The following NR6A1 variants were observed in gnomAD, a reference collection of about 807,000 sequenced individuals.
NR6A1 encodes retinoic acid receptor-related testis-associated receptor.
Under a neutral mutation model 59.1 loss-of-function variants are expected in NR6A1, and 7 were observed. The observed-to-expected ratio is 0.12, with a 90% CI of 0.07 to 0.22. The LOEUF is 0.22. NR6A1 is among the 10% of genes least tolerant of loss of function. NR6A1 has a pLI of 1.00. For missense variants in NR6A1, 468 were observed against 611.6 expected (o/e 0.77, Z 2.48); for synonymous variants, 243 against 236.1 (o/e 1.03, Z -0.27).
At chr9:124,644,051 C>A (rs570224368) in intron 2 of NR6A1, among the ~76,000 whole-genome samples, 62 of 152,014 alleles carry the variant, frequency 4.1e-4, no homozygotes, top group Non-Finnish European at 8.4e-4. Flanking sequence ...CAGGCACGCG[C>A]CACCATGCCC....
rs562222117 is a variant in NR6A1, at chr9:124,577,459, T to C, written c.143-22889A>G. ...TCTGAGGGTTGGTGTTTGTTATATA[T>C]CTCAGTCCTTTGTGACTTCTCTAAT... On this transcript the variant is annotated intron_variant, in intron 2 of 9. Coordinates refer to ENST00000487099, the MANE Select transcript of NR6A1 (RefSeq NM_033334.4). 2.0e-5 allele frequency among the ~76,000 whole-genome samples: 3 copies of C among 152,344 alleles called. No homozygotes were observed. In the South Asian group the frequency reaches 6.2e-4, roughly 32 times the overall value.
intron 2 of NR6A1, among the ~76,000 whole-genome samples, chr9:124,644,181 C>A (rs150382016): frequency 6.6e-6 from 1 of 151,574 alleles, no homozygotes. Flanking sequence ...GGATTACAGG[C>A]GTGAGCCACC....
At chr9:124,711,827 A>G (rs1490754599) in intron 2 of NR6A1, among the ~76,000 whole-genome samples, 2 of 152,188 alleles carry the variant, frequency 1.3e-5, no homozygotes, top group African/African-American at 2.4e-5. Flanking sequence ...GAGTCTCACT[A>G]TGCTGCCCAG....
intron 2 of NR6A1, among the ~76,000 whole-genome samples, chr9:124,566,803 T>C (rs1162753223): frequency 1.3e-5 from 2 of 152,116 alleles, no homozygotes. Context: ...GCAAAAGTAA[T>C]GGCTTTAGTT....
intron 2 of NR6A1, among the ~76,000 whole-genome samples, chr9:124,660,994 C>T (rs74658190): frequency 0.01 from 1,573 of 152,116 alleles, 27 homozygotes; most frequent in African/African-American, 0.036. Context: ...CATCAAAACT[C>T]GAGGGACATT....
chr9:124,547,640 T>C (rs900653082), intron 3 of NR6A1, among the ~76,000 whole-genome samples: 5 of 152,162 alleles, frequency 3.3e-5, no homozygotes, highest in Non-Finnish European at 7.3e-5. Context: ...CTCTTGATAT[T>C]ATGGTCTAAG....
At chr9:124,713,851 C>G (rs1344905330) in intron 2 of NR6A1, among the ~76,000 whole-genome samples, 1 of 152,148 alleles carries the variant, frequency 6.6e-6, no homozygotes, top group South Asian at 2.1e-4. Flanking sequence ...AAATTAAAAA[C>G]AGAATTACCA....
chr9:124,733,249 A>G (rs1397121313), intron 2 of NR6A1, 59 bp downstream of exon 2: 4 of 1,241,106 alleles, frequency 3.2e-6, no homozygotes, highest in Non-Finnish European at 2.4e-6. Flanking sequence ...TATTCACTTA[A>G]AAGTGTACAC....
intron 1 of NR6A1, among the ~76,000 whole-genome samples, chr9:124,757,740 T>C (rs1840674440): frequency 6.6e-6 from 1 of 152,226 alleles, no homozygotes; most frequent in Admixed American, 6.5e-5. Context: ...TTTATTTATA[T>C]GCAAGCACTT....
chr9:124,666,904 A>C (rs117212654), intron 2 of NR6A1, among the ~76,000 whole-genome samples: 1 of 152,266 alleles, frequency 6.6e-6, no homozygotes, highest in East Asian at 1.9e-4. Context: ...GGCGGGGGAA[A>C]TAATACCACT....
intron 3 of NR6A1, among the ~76,000 whole-genome samples, chr9:124,553,655 T>A (rs1020302969): frequency 6.6e-6 from 1 of 150,616 alleles, no homozygotes; most frequent in African/African-American, 2.4e-5. Context: ...ATATTCAGTA[T>A]GTCACCAACT....
chr9:124,543,758 T>TG, intron 4 of NR6A1, 44 bp downstream of exon 4: 1 of 1,517,430 alleles, frequency 6.6e-7, no homozygotes, highest in African/African-American at 1.4e-5. Flanking sequence ...GCTGGAGCCC[T>TG]GGGCTTCCAG....
At chr9:124,564,151 A>G (rs999241293) in intron 2 of NR6A1, among the ~76,000 whole-genome samples, 3 of 152,258 alleles carry the variant, frequency 2.0e-5, no homozygotes, top group Admixed American at 2.0e-4. Flanking sequence ...TTAATTTAAA[A>G]AAGTCTTTGA....
intron 2 of NR6A1, among the ~76,000 whole-genome samples, chr9:124,639,195 A>T (rs992681753): frequency 3.6e-4 from 55 of 152,372 alleles, no homozygotes; most frequent in Non-Finnish European, 6.3e-4. Context: ...TTAAGTTAAT[A>T]CAACTAGTTA....
At chr9:124,600,231 T>G (rs1047985352) in intron 2 of NR6A1, among the ~76,000 whole-genome samples, 3 of 152,262 alleles carry the variant, frequency 2.0e-5, no homozygotes, top group Non-Finnish European at 2.9e-5. Flanking sequence ...GGTTCTCATC[T>G]GTCAGATCCT....
intron 2 of NR6A1, among the ~76,000 whole-genome samples, chr9:124,597,835 T>A (rs540038485): frequency 6.6e-6 from 1 of 152,286 alleles, no homozygotes; most frequent in South Asian, 2.1e-4. Flanking sequence ...AAAGATGAAC[T>A]CTAAATCTTA....
At chr9:124,693,128 T>C (rs749487827) in intron 2 of NR6A1, among the ~76,000 whole-genome samples, 6 of 152,188 alleles carry the variant, frequency 3.9e-5, no homozygotes, top group African/African-American at 7.2e-5. Flanking sequence ...AGCAAAAACT[T>C]AGCCCTGGAG....
intron 2 of NR6A1, among the ~76,000 whole-genome samples, chr9:124,636,498 G>A (rs928221706): frequency 3.8e-4 from 58 of 152,136 alleles, no homozygotes; most frequent in African/African-American, 1.3e-3. Flanking sequence ...CATACCCAAG[G>A]TCATCTATGT....
At chr9:124,754,685 T>C (rs1840590792) in intron 1 of NR6A1, among the ~76,000 whole-genome samples, 1 of 152,228 alleles carries the variant, frequency 6.6e-6, no homozygotes, top group South Asian at 2.1e-4. Flanking sequence ...AACTGTCTTT[T>C]ATTGAATGGA....
Sources: allele counts gnomAD v4.1 joint callset (sites outside exome capture counted in the v4.1 genomes callset), GRCh38; gene constraint gnomAD v4.1.1; transcripts MANE v1.5; gene names NCBI Gene and HGNC (gene_info 2026-07-23, HGNC 2026-07-21).